Variants in GATAD2A observed in about 807,000 individuals in gnomAD.
GATAD2A encodes GATA zinc finger domain containing 2A, also known as transcriptional repressor p66-alpha.
A neutral mutation model predicts 68.5 loss-of-function variants in GATAD2A; 12 were observed. The observed-to-expected ratio is 0.18, with a 90% CI of 0.11 to 0.28. GATAD2A has a LOEUF of 0.28. Among genes scored for constraint, GATAD2A ranks in the 10% least tolerant of loss-of-function variants. The probability of loss-of-function intolerance (pLI) is 1.00; values close to 1 mark genes in which losing one functional copy is unlikely to be tolerated. For synonymous variants in GATAD2A, 410 were observed against 375.3 expected, an observed-to-expected ratio of 1.09 and a Z score of -1.07; for missense variants, 755 against 868.5, an observed-to-expected ratio of 0.87 and a Z score of 1.64.
At chr19:19,503,238 C>T (rs1268366097) in intron 11 of GATAD2A, among the ~76,000 whole-genome samples, 1 of 152,212 alleles carries the variant, frequency 6.6e-6, no homozygotes, top group Non-Finnish European at 1.5e-5. Flanking sequence ...GATGGGCACC[C>T]TCTGGGAGAG....
chr19:19,405,473 C>T (rs1014238517), upstream of GATAD2A, among the ~76,000 whole-genome samples: 3 of 152,148 alleles, frequency 2.0e-5, no homozygotes, highest in Non-Finnish European at 4.4e-5. Context: ...CGCTGGGACT[C>T]GGCGGGGAGG....
intron 1 of GATAD2A, among the ~76,000 whole-genome samples, chr19:19,437,883 A>G (rs73922883): frequency 0.076 from 11,562 of 152,232 alleles, 1,510 homozygotes; most frequent in African/African-American, 0.26. Context: ...TGCTTTTAAC[A>G]TTCGTGTACA....
chr19:19,479,362 G>A (rs2058893927), intron 2 of GATAD2A, among the ~76,000 whole-genome samples: 1 of 152,206 alleles, frequency 6.6e-6, no homozygotes, highest in African/African-American at 2.4e-5. Flanking sequence ...TACAGAACAT[G>A]TGTCACAAGT....
At chr19:19,418,909 C>A (rs894169308) in intron 1 of GATAD2A, among the ~76,000 whole-genome samples, 4 of 152,104 alleles carry the variant, frequency 2.6e-5, no homozygotes, top group Non-Finnish European at 5.9e-5. Context: ...GACTAGTAAT[C>A]ACCAAGACCC....
At chr19:19,470,998 G>A (rs1268025967) in intron 2 of GATAD2A, among the ~76,000 whole-genome samples, 4 of 152,200 alleles carry the variant, frequency 2.6e-5, no homozygotes, top group Non-Finnish European at 5.9e-5. Context: ...GCTCACGCCT[G>A]TAATCCCAGC....
At chr19:19,393,050 A>G (rs2048964708) in intron 1 of GATAD2A, among the ~76,000 whole-genome samples, 1 of 152,210 alleles carries the variant, frequency 6.6e-6, no homozygotes. Flanking sequence ...TTACGCCTGT[A>G]ACCCTAGCAC....
intron 1 of GATAD2A, among the ~76,000 whole-genome samples, chr19:19,419,438 A>G (rs934311318): frequency 1.3e-5 from 2 of 151,556 alleles, no homozygotes; most frequent in South Asian, 2.1e-4. Context: ...GTTTCTAGCA[A>G]TTCAGTAGAG....
chr19:19,456,102 C>G lies in GATAD2A; in HGVS notation c.-6-9238C>G, dbSNP rs533050435. 2.7e-5 allele frequency among the ~76,000 whole-genome samples: 4 copies of G among 148,420 alleles called. No individual in the cohort carries two copies. In the East Asian group the frequency reaches 7.9e-4, roughly 29 times the overall value. On this transcript the variant is annotated intron_variant, in intron 1 of 11. Coordinates refer to ENST00000683918, the MANE Select transcript of GATAD2A (RefSeq NM_001384528.1). ...ACGGGAGGCAGAGTTTGCAGTGAGC[C>G]GAGATCGCGCCACTGCACTCCAGCC...
chr19:19,420,488 C>T (rs1006240514), intron 1 of GATAD2A, among the ~76,000 whole-genome samples: 5 of 147,082 alleles, frequency 3.4e-5, no homozygotes, highest in South Asian at 2.3e-4. Flanking sequence ...CCCGCCACCA[C>T]GCCTGGCCAA....
chr19:19,412,262 T>C (rs905246539), intron 1 of GATAD2A, among the ~76,000 whole-genome samples: 1 of 151,776 alleles, frequency 6.6e-6, no homozygotes, highest in Non-Finnish European at 1.5e-5. Context: ...TTCATGCCAT[T>C]CTCCTGCCTC....
At chr19:19,392,403 T>A (rs1193460896) in intron 1 of GATAD2A, among the ~76,000 whole-genome samples, 1 of 150,538 alleles carries the variant, frequency 6.6e-6, no homozygotes, top group Non-Finnish European at 1.5e-5. Context: ...TGTTTTTTTT[T>A]TTTTTTCCAG....
At position 19,480,642 on chromosome 19, in the gene GATAD2A, C is replaced by T. The variant is rs78779039; in HGVS notation, c.270-11664C>T. Among the ~76,000 whole-genome samples, 328 of 152,326 alleles carry T rather than the reference C, an allele frequency of 2.2e-3. 2 individuals carry two copies. The highest frequency in any genetic ancestry group is 7.6e-3 in the African/African-American group (317 of 41,572). Reference sequence around the variant, plus strand: ...TTAATCGCATTTCATGACTGCCCCCCGAGGTGAGTGGCGTCCCCTTCTGCA... The same window carrying T: ...TTAATCGCATTTCATGACTGCCCCCTGAGGTGAGTGGCGTCCCCTTCTGCA... On this transcript the variant is annotated intron_variant, in intron 2 of 11. Coordinates refer to ENST00000683918, the MANE Select transcript of GATAD2A (RefSeq NM_001384528.1).
chr19:19,399,000 G>A (rs1410977783), intron 1 of GATAD2A, among the ~76,000 whole-genome samples: 2 of 152,002 alleles, frequency 1.3e-5, no homozygotes, highest in South Asian at 2.1e-4. Flanking sequence ...CAGGGGTTGC[G>A]GTGAGCTGAG....
In GATAD2A at chr19:19,494,843, T is replaced by TG. The variant is rs564998091; in HGVS notation, c.624+463dup. ...GGGGGTGACCATGCCCATCCTGCCG[T>TG]GGGCCGGCCAGTGTCACGTGAGAAT... On this transcript the variant is annotated intron_variant, in intron 5 of 11. Coordinates refer to ENST00000683918, the MANE Select transcript of GATAD2A (RefSeq NM_001384528.1). 2.7e-3 allele frequency among the ~76,000 whole-genome samples: 411 copies of TG among 152,248 alleles called. 2 individuals carry two copies. The highest frequency in any genetic ancestry group is 4.6e-3 in the Non-Finnish European group (312 of 68,004).
rs1302283708 is a variant in GATAD2A, at chr19:19,496,357, A to G, written c.924+138A>G. 3 of 793,992 alleles carry G rather than the reference A, an allele frequency of 3.8e-6. No individual in the cohort carries two copies. The African/African-American group carries it at 5.1e-5, about 14-fold the overall frequency. The allele number at this position is 793,992 out of a possible 1,614,324, so 49.2% of individuals were successfully genotyped here. On this transcript the variant is annotated intron_variant, in intron 7 of 11. Transcript: ENST00000683918. The stretch of plus-strand genomic sequence containing the variant: ...CTGCCTTGCTCTTTCAGAGCCAGGC[A>G]GGGGCTTGGACTTGAGCTCCTGGGG...
intron 1 of GATAD2A, chr19:19,458,524 A>G (rs1410702466): frequency 6.6e-6 from 1 of 152,220 alleles, no homozygotes; most frequent in African/African-American, 2.4e-5. Context: ...ATGGTGAAAA[A>G]AAGTTTCTGC....
chr19:19,492,343 G>A lies in GATAD2A; in HGVS notation c.307G>A (p.Val103Met), dbSNP rs1487698348. ...CGAGAGGAGACCCCCCTCACCTGAC[G>A]TGATTGTGCTCTCCGACAACGAGCA... The part of the protein sequence containing the change: ...KSERRPPSPD[V>M]IVLSDNEQPS... Residue 103 changes from valine (V) to methionine (M), a missense_variant, in exon 3 of 12, where the codon GTG becomes ATG. Transcript: ENST00000683918. The A allele has an allele frequency of 1.2e-6, 2 of 1,610,136 alleles. No individual in the cohort carries two copies. Among genetic ancestry groups the A allele is most frequent in the East Asian group, 2.2e-5 (1 of 44,694 alleles).
intron 1 of GATAD2A, among the ~76,000 whole-genome samples, chr19:19,407,646 C>T (rs910068627): frequency 2.0e-5 from 3 of 152,192 alleles, no homozygotes; most frequent in Admixed American, 6.5e-5. Context: ...CCTCTGTTTG[C>T]GGATGTAGGG....
At chr19:19,435,004 A>C (rs368211885) in intron 1 of GATAD2A, 6 of 463,104 alleles carry the variant, frequency 1.3e-5, no homozygotes, top group African/African-American at 1.2e-4. Context: ...ATGACAGACA[A>C]CATGATGGTG....
Sources: gnomAD v4.1 joint callset for allele counts (sites outside exome capture counted in the v4.1 genomes callset) on GRCh38, gnomAD v4.1.1 for gene constraint, MANE v1.5 for transcripts, NCBI Gene and HGNC (gene_info 2026-07-23, HGNC 2026-07-21) for gene names.